ASIC2: variants seen among roughly 807,000 people sequenced by gnomAD.
ASIC2 encodes the protein acid sensing ion channel subunit 2.
A neutral mutation model predicts 57.3 loss-of-function variants in ASIC2; 25 were observed. The ratio of observed to expected loss-of-function variants is 0.44; its 90% CI spans 0.32 to 0.61. The LOEUF is 0.61. Ranked by LOEUF, ASIC2 falls within the 20% of genes least tolerant of loss-of-function variation. The probability of loss-of-function intolerance (pLI) is 0.06; values close to 1 mark genes in which losing one functional copy is unlikely to be tolerated. For synonymous variants in ASIC2, 319 were observed against 307.5 expected (o/e 1.04, Z -0.39); for missense variants, 641 against 738.1 (o/e 0.87, Z 1.52).
intron 1 of ASIC2, among the ~76,000 whole-genome samples, chr17:33,259,869 G>A (rs1245162525): frequency 1.3e-5 from 2 of 152,164 alleles, no homozygotes; most frequent in African/African-American, 4.8e-5. Flanking sequence ...TGGAGCCTGA[G>A]ACTTTGCATG....
chr17:33,889,770 C>G (rs1360663755), intron 1 of ASIC2, among the ~76,000 whole-genome samples: 1 of 152,156 alleles, frequency 6.6e-6, no homozygotes, highest in African/African-American at 2.4e-5. Context: ...GGAGAGTTAG[C>G]TAGGCTGAAC....
At chr17:33,503,472 C>T (rs909819969) in intron 1 of ASIC2, among the ~76,000 whole-genome samples, 4 of 152,018 alleles carry the variant, frequency 2.6e-5, no homozygotes, top group African/African-American at 9.7e-5. Context: ...TCAGGGTTCC[C>T]CAGGAAAATT....
At chr17:34,028,898 C>T (rs1325780037) in intron 1 of ASIC2, among the ~76,000 whole-genome samples, 1 of 152,198 alleles carries the variant, frequency 6.6e-6, no homozygotes, top group African/African-American at 2.4e-5. Context: ...GGCTGCCCAG[C>T]TCTCATGGCT....
intron 1 of ASIC2, among the ~76,000 whole-genome samples, chr17:33,218,421 T>C (rs78567991): frequency 3.3e-5 from 5 of 152,232 alleles, no homozygotes; most frequent in African/African-American, 1.2e-4. Flanking sequence ...TCGAGCCCAG[T>C]GCCCGGCACA....
rs534079336 is a variant in ASIC2 at position 34,147,018 on chromosome 17, A to G, written c.555+8960T>C. 1.9e-3 allele frequency: 288 copies of G among 152,254 alleles called. 1 individual carries two copies. Among genetic ancestry groups the G allele is most frequent in the African/African-American group, 6.7e-3 (278 of 41,526 alleles). The allele number at this position is 152,254 out of a possible 1,614,324, so 9.4% of individuals were successfully genotyped here. A position where few individuals can be genotyped will look rare whatever the true frequency, so the allele number is the denominator to read the frequency against. Reference sequence around the variant, plus strand: ...GTTTCTGCTTCCATTGTACATATCTATCAAAATAAAATTGTTATAATTAAA... The same window carrying G: ...GTTTCTGCTTCCATTGTACATATCTGTCAAAATAAAATTGTTATAATTAAA... On this transcript the variant is annotated intron_variant, in intron 1 of 9. Coordinates refer to the ASIC2 transcript ENST00000359872.
chr17:33,764,812 A>G (rs552906018), intron 1 of ASIC2, among the ~76,000 whole-genome samples: 17 of 152,030 alleles, frequency 1.1e-4, no homozygotes, highest in Admixed American at 9.8e-4. Context: ...ACATTCGCAC[A>G]ATAGCAATGG....
At chr17:33,971,179 T>C (rs1253038521) in intron 1 of ASIC2, among the ~76,000 whole-genome samples, 1 of 152,072 alleles carries the variant, frequency 6.6e-6, no homozygotes, top group Non-Finnish European at 1.5e-5. Context: ...GAGCACAGAA[T>C]CCAAAGACAG....
At chr17:33,521,576 G>A (rs1567638288) in intron 1 of ASIC2, among the ~76,000 whole-genome samples, 1 of 152,352 alleles carries the variant, frequency 6.6e-6, no homozygotes, top group Non-Finnish European at 1.5e-5. Context: ...GGTCCCGTGA[G>A]AGCCTGCTGA....
intron 1 of ASIC2, among the ~76,000 whole-genome samples, chr17:33,526,404 C>A (rs1009899411): frequency 6.6e-6 from 1 of 152,190 alleles, no homozygotes; most frequent in African/African-American, 2.4e-5. Context: ...GACTCCTTCT[C>A]TTCTATTGCT....
At chr17:33,277,937 A>T (rs568948171) in intron 1 of ASIC2, among the ~76,000 whole-genome samples, 2 of 152,330 alleles carry the variant, frequency 1.3e-5, no homozygotes, top group East Asian at 3.9e-4. Flanking sequence ...AAGGAGCCAG[A>T]TGTACCCACA....
intron 1 of ASIC2, among the ~76,000 whole-genome samples, chr17:33,430,032 C>T (rs550908232): frequency 6.6e-6 from 1 of 152,246 alleles, no homozygotes; most frequent in East Asian, 1.9e-4. Flanking sequence ...ACTATAGAAC[C>T]CTTCCCTTTT....
At chr17:33,519,922 T>C (rs901595462) in intron 1 of ASIC2, among the ~76,000 whole-genome samples, 5 of 152,238 alleles carry the variant, frequency 3.3e-5, no homozygotes, top group African/African-American at 1.2e-4. Context: ...CATCTGTGAA[T>C]GCACCAGGTG....
At chr17:34,083,414 G>A (rs1909974158) in intron 1 of ASIC2, among the ~76,000 whole-genome samples, 1 of 151,524 alleles carries the variant, frequency 6.6e-6, no homozygotes, top group Non-Finnish European at 1.5e-5. Flanking sequence ...TCTTAATCCA[G>A]TCTATCATTG....
intron 1 of ASIC2, among the ~76,000 whole-genome samples, chr17:33,142,363 G>C (rs915721803): frequency 6.6e-6 from 1 of 152,168 alleles, no homozygotes; most frequent in Non-Finnish European, 1.5e-5. Flanking sequence ...GTAGTAGAGA[G>C]GTAAGATTCA....
At chr17:33,225,981 G>T (rs1183471771) in intron 1 of ASIC2, among the ~76,000 whole-genome samples, 4 of 152,018 alleles carry the variant, frequency 2.6e-5, no homozygotes, top group Admixed American at 1.3e-4. Context: ...CCTACCATGT[G>T]CCAGGCAGTA....
At chr17:34,120,652 G>A (rs562815321) in intron 1 of ASIC2, among the ~76,000 whole-genome samples, 2 of 147,818 alleles carry the variant, frequency 1.4e-5, no homozygotes, top group Middle Eastern at 3.6e-3. Flanking sequence ...CACTGCAGAT[G>A]TACTAGTTAA....
chr17:34,046,317 G>A (rs1458384949), intron 1 of ASIC2, among the ~76,000 whole-genome samples: 1 of 152,326 alleles, frequency 6.6e-6, no homozygotes, highest in East Asian at 1.9e-4. Flanking sequence ...AGGTGCCAGA[G>A]GTAAATGTTA....
chr17:33,258,434 T>C (rs1244477491), intron 1 of ASIC2, among the ~76,000 whole-genome samples: 1 of 150,838 alleles, frequency 6.6e-6, no homozygotes, highest in East Asian at 2.0e-4. Context: ...GGGTAGGGAG[T>C]TGAGTGAGTA....
chr17:34,037,746 C>T (rs1382756931), intron 1 of ASIC2: 8 of 1,614,078 alleles, frequency 5.0e-6, no homozygotes, highest in Non-Finnish European at 6.8e-6. Context: ...AGCTGCTGGA[C>T]ATCAATGCGG....
Sources: allele counts gnomAD v4.1 joint callset (sites outside exome capture counted in the v4.1 genomes callset), GRCh38; gene constraint gnomAD v4.1.1; transcripts MANE v1.5; gene names NCBI Gene and HGNC (gene_info 2026-07-23, HGNC 2026-07-21).